The following DNMT3B variants were observed in gnomAD, a reference collection of about 807,000 sequenced individuals.
The protein encoded by DNMT3B is DNA (cytosine-5)-methyltransferase 3B.
A neutral mutation model predicts 120.2 loss-of-function variants in DNMT3B; 37 were observed. The ratio of observed to expected loss-of-function variants is 0.31; its 90% CI spans 0.24 to 0.40. The LOEUF (loss-of-function observed/expected upper bound fraction) is 0.40, where lower values mean the gene tolerates loss of function less well. Among genes scored for constraint, DNMT3B ranks in the 10% least tolerant of loss-of-function variants. The pLI, the probability that DNMT3B is intolerant of heterozygous loss-of-function variation, is 1.00. For synonymous variants in DNMT3B, 412 were observed against 442.8 expected, an observed-to-expected ratio of 0.93 and a Z score of 0.87; for missense variants, 878 against 1,137.3, an observed-to-expected ratio of 0.77 and a Z score of 3.28.
chr20:32,786,711 G>A, intron 5 of DNMT3B, 84 bp downstream of exon 5: 1 of 1,599,528 alleles, frequency 6.3e-7, no homozygotes, highest in Admixed American at 1.7e-5. Flanking sequence ...GGTTGTGGCT[G>A]GTAGATAATC....
rs766920119 is a variant in DNMT3B, at chr20:32,780,424, C to T, written c.101C>T (p.Ser34Leu). 14 of 1,613,656 alleles carry T rather than the reference C, an allele frequency of 8.7e-6. No individual in the cohort carries two copies. The highest frequency in any genetic ancestry group is 6.7e-5 in the Admixed American group (4 of 59,988). ...NGACSDQSSD[S>L]PPILEAIRTP... ...GCCTGCAGCGACCAGTCCTCCGACTCGCCCCCAATCCTGGAGGCTATCCGC... is the reference window on the plus strand; with the variant it reads ...GCCTGCAGCGACCAGTCCTCCGACTTGCCCCCAATCCTGGAGGCTATCCGC... The change falls in exon 2 of 23, where the codon TCG becomes TTG. Residue 34 changes from serine to leucine, a missense_variant. Physicochemically the swap from Ser to Leu is moderately radical, Grantham distance 145. Coordinates refer to ENST00000328111, the MANE Select transcript of DNMT3B (RefSeq NM_006892.4).
At chr20:32,787,945 A>C (rs926152073) in intron 6 of DNMT3B, among the ~76,000 whole-genome samples, 5 of 152,066 alleles carry the variant, frequency 3.3e-5, no homozygotes, top group Middle Eastern at 6.8e-3. Context: ...GGGGGTCTCA[A>C]GGTGCTCAGT....
At chr20:32,778,250 C>T (rs887675249) in intron 1 of DNMT3B, among the ~76,000 whole-genome samples, 2 of 152,090 alleles carry the variant, frequency 1.3e-5, no homozygotes, top group African/African-American at 2.4e-5. Flanking sequence ...GCAGGAGAAT[C>T]GCTTGAACCT....
intron 6 of DNMT3B, 58 bp from the exon 7 acceptor site, chr20:32,788,796 G>A (rs1979629781): frequency 2.5e-6 from 4 of 1,610,898 alleles, no homozygotes; most frequent in Admixed American, 3.3e-5. Flanking sequence ...GAGTGGACAG[G>A]ACTTGGCCCA....
At chr20:32,767,445 T>G (rs2145843365) in intron 1 of DNMT3B, among the ~76,000 whole-genome samples, 1 of 152,054 alleles carries the variant, frequency 6.6e-6, no homozygotes, top group Non-Finnish European at 1.5e-5. Context: ...TAATTATTTC[T>G]TTTGAGACAA....
At chr20:32,788,161 C>A (rs1331018996) in intron 6 of DNMT3B, among the ~76,000 whole-genome samples, 2 of 152,090 alleles carry the variant, frequency 1.3e-5, no homozygotes, top group African/African-American at 4.8e-5. Context: ...GGGATGCGTG[C>A]AAGTCACAGG....
At position 32,799,347 on chromosome 20, in the gene DNMT3B, T is replaced by C. The variant is rs778906491; in HGVS notation, c.1759+19T>C. 1 of 1,607,876 alleles carries C rather than the reference T, an allele frequency of 6.2e-7. No homozygotes were observed. Among genetic ancestry groups the C allele is most frequent in the Non-Finnish European group, 8.5e-7 (1 of 1,177,344 alleles). ...GCGACAGGTGAGTTCGGGGAACACC[T>C]GGAGACACTGCTATCGTGTCACAAC... On this transcript the variant is annotated intron_variant, in intron 16 of 22. Transcript: ENST00000328111.
Position 32,800,272 on chromosome 20 carries a change from G to T in DNMT3B, c.1879G>T (p.Asp627Tyr). 1 of 1,614,174 alleles carries T rather than the reference G, an allele frequency of 6.2e-7. No homozygotes were observed. The highest frequency in any genetic ancestry group is 8.5e-7 in the Non-Finnish European group (1 of 1,180,052). Residue 627 changes from aspartate to tyrosine, a missense_variant, in exon 17 of 23, where the codon GAC (aspartate) becomes TAC (tyrosine). By Grantham distance (160) the Asp-to-Tyr change is radical. Around this residue, in one of 4 missense-constraint regions of DNMT3B, gnomAD observed 334 missense variants for 518.8 expected, o/e 0.64. Coordinates refer to ENST00000328111, the MANE Select transcript of DNMT3B (RefSeq NM_006892.4). ...CGAGGGGAATATCAAATACGTGAAC[G>T]ACGTGAGGAACATCACAAAGAAAAA... ...KHEGNIKYVN[D>Y]VRNITKKNIE...
At chr20:32,765,432 T>C (rs2145833399) in intron 1 of DNMT3B, among the ~76,000 whole-genome samples, 1 of 150,494 alleles carries the variant, frequency 6.6e-6, no homozygotes, top group Non-Finnish European at 1.5e-5. Flanking sequence ...CTTTCTTTTT[T>C]TTTTTTTTGA....
intron 1 of DNMT3B, among the ~76,000 whole-genome samples, chr20:32,773,926 C>T (rs562781776): frequency 6.2e-4 from 80 of 129,350 alleles, no homozygotes; most frequent in African/African-American, 2.4e-3. Context: ...CCACTGCGCC[C>T]GGCAGTGGTT....
chr20:32,787,599 C>A, intron 6 of DNMT3B, 148 bp downstream of exon 6: 1 of 939,586 alleles, frequency 1.1e-6, no homozygotes, highest in Non-Finnish European at 1.7e-6. Flanking sequence ...TTCTAAGTAT[C>A]TTCCATATGC....
intron 7 of DNMT3B, among the ~76,000 whole-genome samples, chr20:32,790,804 C>A (rs1359135810): frequency 1.3e-5 from 2 of 152,132 alleles, no homozygotes; most frequent in Non-Finnish European, 2.9e-5. Flanking sequence ...GCAGCTGAGA[C>A]TGCAGGTGCA....
intron 1 of DNMT3B, among the ~76,000 whole-genome samples, chr20:32,773,812 T>C (rs1987891160): frequency 6.6e-6 from 1 of 151,858 alleles, no homozygotes; most frequent in Non-Finnish European, 1.5e-5. Context: ...TAAGAAATAT[T>C]TTAATAGAGA....
At chr20:32,789,131 G>C in intron 7 of DNMT3B, 119 bp downstream of exon 7, 2 of 1,430,022 alleles carry the variant, frequency 1.4e-6, no homozygotes. Flanking sequence ...CCTTCACACT[G>C]TCTGGGAGGA....
In DNMT3B at chr20:32,780,730, A is replaced by G. The variant is rs1182647158; in HGVS notation, c.142+265A>G. 2.0e-5 allele frequency among the ~76,000 whole-genome samples: 3 copies of G among 152,054 alleles called. No individual in the cohort carries two copies. In the East Asian group the frequency reaches 5.8e-4, roughly 29 times the overall value. ...TTCCCTGTCCTCTGCCAGTCATGAC[A>G]GGGGTGGTCTCAGCATGGGCCCTTG... is the stretch of plus-strand genomic sequence containing the variant. On this transcript the variant is annotated intron_variant, in intron 2 of 22. Coordinates refer to ENST00000328111, the MANE Select transcript of DNMT3B (RefSeq NM_006892.4).
Position 32,787,407 on chromosome 20 carries a change from C to G in DNMT3B, c.610C>G (p.Gln204Glu). Residue 204 changes from glutamine (Q) to glutamate (E), a missense_variant, in exon 6 of 23, where the codon CAG becomes GAG. Gln to Glu is a conservative substitution (Grantham distance 29). This residue lies in a region of DNMT3B where 287 missense variants were observed against 306.2 expected (regional missense o/e 0.94). Transcript: ENST00000328111. ...CCAGCAGGGGGGCATGGAGTCCCCG[C>G]AGGTGGAGGCAGACAGTGGAGATGG... ...DSQQGGMESP[Q>E]VEADSGDGDS... 6.2e-7 allele frequency: 1 copy of G among 1,614,230 alleles called. No individual in the cohort carries two copies. Among genetic ancestry groups the G allele is most frequent in the Non-Finnish European group, 8.5e-7 (1 of 1,180,040 alleles).
At chr20:32,766,874 A>C (rs1987399725) in intron 1 of DNMT3B, among the ~76,000 whole-genome samples, 1 of 148,784 alleles carries the variant, frequency 6.7e-6, no homozygotes, top group Non-Finnish European at 1.5e-5. Flanking sequence ...CAACACACCC[A>C]AATTCAATTT....
intron 22 of DNMT3B, 145 bp from the exon 23 acceptor site, chr20:32,807,617 A>G (rs1049619213): frequency 5.0e-6 from 6 of 1,202,780 alleles, no homozygotes; most frequent in African/African-American, 4.5e-5. Context: ...GTTCTGAATT[A>G]AGGGCTCTGA....
chr20:32,801,539 TCTGG>T, intron 19 of DNMT3B, 113 bp downstream of exon 19: 1 of 1,410,146 alleles, frequency 7.1e-7, no homozygotes, highest in Non-Finnish European at 9.9e-7. Context: ...CCGTTCTTGG[TCTGG>T]CTAGATCCAA....
Sources: gnomAD v4.1 joint callset for allele counts (sites outside exome capture counted in the v4.1 genomes callset) on GRCh38, gnomAD v4.1.1 for gene constraint, gnomAD v4.1.1 regional missense constraint, MANE v1.5 for transcripts, NCBI Gene and HGNC (gene_info 2026-07-23, HGNC 2026-07-21) for gene names.